TMC1: variants seen among roughly 807,000 people sequenced by gnomAD.
TMC1 encodes transmembrane channel like 1.
Under a neutral mutation model 105.8 loss-of-function variants are expected in TMC1, and 84 were observed. The observed-to-expected ratio is 0.79, with a 90% CI of 0.67 to 0.95. TMC1 has a LOEUF of 0.95. Among genes scored for constraint, TMC1 ranks in the 40% least tolerant of loss-of-function variants. TMC1 has a pLI of 0.00. For synonymous variants in TMC1, 315 were observed against 311.5 expected (o/e 1.01, Z -0.12); for missense variants, 817 against 914.1 (o/e 0.89, Z 1.37).
intron 8 of TMC1, among the ~76,000 whole-genome samples, chr9:72,726,757 G>A (rs1181553195): frequency 6.6e-6 from 1 of 152,054 alleles, no homozygotes; most frequent in Non-Finnish European, 1.5e-5. Context: ...GAAAAATTTA[G>A]GTTTAGCACT....
chr9:72,816,140 T>C lies in TMC1; in HGVS notation c.1696-3T>C. The C allele has an allele frequency of 6.2e-7, 1 of 1,613,318 alleles. No individual in the cohort carries two copies. Among genetic ancestry groups the C allele is most frequent in the South Asian group, 1.1e-5 (1 of 91,072 alleles). ...AATCCAATGAACATTGTGTCTCCTC[T>C]AGCCTTCATACACCGAATTCGACAT... On this transcript the variant is annotated splice_polypyrimidine_tract_variant and splice_region_variant and intron_variant, in intron 18 of 23. Transcript: ENST00000297784.
In TMC1 at chr9:72,788,341, T is replaced by A. The variant is rs1828204380; in HGVS notation, c.887T>A (p.Met296Lys). ...GYSFLVVLKA[M>K]TKNIGDDGGG... ...GGTTAAACTTCCTGTTTTTGCAGAA[T>A]GACCAAAAACATTGGTGATGATGGA... The change falls in exon 14 of 24, where the codon ATG becomes AAG. Residue 296 changes from methionine to lysine, a missense_variant and splice_region_variant. Physicochemically the swap from Met to Lys is moderately conservative, Grantham distance 95. Coordinates refer to ENST00000297784, the MANE Select transcript of TMC1 (RefSeq NM_138691.3). 1.9e-6 allele frequency: 3 copies of A among 1,613,944 alleles called. No individual in the cohort carries two copies. In the African/African-American group the frequency reaches 4.0e-5, roughly 22 times the overall value.
intron 5 of TMC1, among the ~76,000 whole-genome samples, chr9:72,674,432 G>A (rs980132927): frequency 2.6e-5 from 4 of 152,190 alleles, no homozygotes; most frequent in African/African-American, 9.7e-5. Flanking sequence ...CTGAAATAAA[G>A]ATAGACAAAG....
intron 17 of TMC1, among the ~76,000 whole-genome samples, chr9:72,800,729 A>G (rs866525630): frequency 1.5e-4 from 23 of 150,072 alleles, no homozygotes; most frequent in Middle Eastern, 6.8e-3. Flanking sequence ...TTTCCCCCTT[A>G]TCTTTCACCT....
At chr9:72,689,573 G>C (rs895393251) in intron 6 of TMC1, among the ~76,000 whole-genome samples, 4 of 151,962 alleles carry the variant, frequency 2.6e-5, no homozygotes, top group Non-Finnish European at 4.4e-5. Context: ...TTATATTGCT[G>C]TATATTTTCT....
chr9:72,780,617 T>C (rs1828081451), intron 13 of TMC1, among the ~76,000 whole-genome samples: 1 of 151,962 alleles, frequency 6.6e-6, no homozygotes, highest in South Asian at 2.1e-4. Flanking sequence ...CATAAAGAAA[T>C]TGATAAAAAT....
At chr9:72,618,022 CTTTTTTTT>C (rs34497983) in intron 3 of TMC1, among the ~76,000 whole-genome samples, 5 of 79,202 alleles carry the variant, frequency 6.3e-5, no homozygotes, top group African/African-American at 1.6e-4. Context: ...CTGGGTACAT[CTTTTTTTT>C]TTTTTTTTTT....
In TMC1 at chr9:72,757,031, G is replaced by A. The variant is rs149503039; in HGVS notation, c.741+2147G>A. Among the ~76,000 whole-genome samples the A allele has an allele frequency of 5.6e-3, 858 of 152,268 alleles. 9 individuals carry two copies. The highest frequency in any genetic ancestry group is 0.01 in the Non-Finnish European group (713 of 68,026). On this transcript the variant is annotated intron_variant, in intron 12 of 23. Coordinates refer to ENST00000297784, the MANE Select transcript of TMC1 (RefSeq NM_138691.3). ...AAATATGATTTGTCGGTCAGCAGGG[G>A]ATACAGAAACCAGAGTGTTCTATGA...
rs556522685 is a variant in TMC1 at position 72,698,669 on chromosome 9, G to A, written c.237-1849G>A. On this transcript the variant is annotated intron_variant, in intron 7 of 23. Coordinates refer to ENST00000297784, the MANE Select transcript of TMC1 (RefSeq NM_138691.3). Reference sequence around the variant, plus strand: ...ATCATAGTGACGGTAACTACTGGAAGCAGCTACCATCCCAAGGGCTGGAGG... The same window carrying A: ...ATCATAGTGACGGTAACTACTGGAAACAGCTACCATCCCAAGGGCTGGAGG... 3.9e-5 allele frequency among the ~76,000 whole-genome samples: 6 copies of A among 152,246 alleles called. No individual in the cohort carries two copies. The East Asian group carries it at 1.2e-3, about 29-fold the overall frequency.
intron 2 of TMC1, among the ~76,000 whole-genome samples, chr9:72,613,517 A>T (rs1378271446): frequency 6.6e-6 from 1 of 152,120 alleles, no homozygotes; most frequent in Non-Finnish European, 1.5e-5. Context: ...CCCCCTGATT[A>T]TCTTTTGGGT....
At chr9:72,792,587 A>C (rs2118195119) in intron 17 of TMC1, among the ~76,000 whole-genome samples, 1 of 152,338 alleles carries the variant, frequency 6.6e-6, no homozygotes, top group South Asian at 2.1e-4. Flanking sequence ...ATATAAAGGA[A>C]GGATAGTTGA....
At chr9:72,662,945 C>A (rs1441516336) in intron 5 of TMC1, among the ~76,000 whole-genome samples, 4 of 152,182 alleles carry the variant, frequency 2.6e-5, no homozygotes, top group Non-Finnish European at 5.9e-5. Flanking sequence ...ATTCTTGTAA[C>A]CACCCAAGGG....
intron 8 of TMC1, among the ~76,000 whole-genome samples, chr9:72,734,945 G>A (rs926780130): frequency 1.3e-5 from 2 of 152,160 alleles, no homozygotes; most frequent in Non-Finnish European, 2.9e-5. Context: ...GTGTAATCGT[G>A]GTTGTATCAT....
chr9:72,583,234 C>T (rs986151398), intron 2 of TMC1, among the ~76,000 whole-genome samples: 2 of 151,626 alleles, frequency 1.3e-5, no homozygotes, highest in Admixed American at 6.6e-5. Context: ...AAAACAAAAA[C>T]AAAAACAAAA....
chr9:72,621,964 A>G (rs1295770325), intron 3 of TMC1, among the ~76,000 whole-genome samples: 2 of 152,232 alleles, frequency 1.3e-5, no homozygotes, highest in Non-Finnish European at 2.9e-5. Flanking sequence ...AAAAATTTGC[A>G]AGGTGGCAGA....
At chr9:72,524,438 G>T (rs911074292) in intron 1 of TMC1, among the ~76,000 whole-genome samples, 10 of 152,046 alleles carry the variant, frequency 6.6e-5, no homozygotes, top group Non-Finnish European at 8.8e-5. Context: ...TTAGATAAAT[G>T]TTCACTTTTA....
intron 2 of TMC1, among the ~76,000 whole-genome samples, chr9:72,580,831 T>A (rs540877336): frequency 2.6e-5 from 4 of 152,150 alleles, no homozygotes; most frequent in Non-Finnish European, 5.9e-5. Flanking sequence ...GTGGGCAGAT[T>A]TTTGAACATG....
chr9:72,675,055 CT>C (rs1456958109), intron 5 of TMC1, among the ~76,000 whole-genome samples: 1 of 152,150 alleles, frequency 6.6e-6, no homozygotes, highest in East Asian at 1.9e-4. Context: ...ACTCAGAAAT[CT>C]TTCAACTAAA....
Position 72,830,532 on chromosome 9 carries a change from A to G in TMC1, c.2208+3A>G, listed in dbSNP as rs1474447140. The stretch of plus-strand genomic sequence containing the variant: ...ATCTCAAAAAGAAGATGAAAATGGT[A>G]TGATACAATTTATTTCATAGAAATA... On this transcript the variant is annotated splice_donor_region_variant and intron_variant, in intron 22 of 23. Coordinates refer to ENST00000297784, the MANE Select transcript of TMC1 (RefSeq NM_138691.3). 6.2e-7 allele frequency: 1 copy of G among 1,611,910 alleles called. No homozygotes were observed. Among genetic ancestry groups the G allele is most frequent in the Admixed American group, 1.7e-5 (1 of 59,992 alleles).
Sources: allele counts gnomAD v4.1 joint callset (sites outside exome capture counted in the v4.1 genomes callset), GRCh38; gene constraint gnomAD v4.1.1; transcripts MANE v1.5; gene names NCBI Gene and HGNC (gene_info 2026-07-23, HGNC 2026-07-21).